Variants in CHMP4C observed in about 807,000 individuals in gnomAD.
CHMP4C encodes charged multivesicular body protein 4C.
CHMP4C carries 28 observed loss-of-function variants against 29.0 expected under a neutral mutation model. The observed-to-expected ratio is 0.97, with a 90% CI of 0.72 to 1.32. CHMP4C has a LOEUF of 1.32. CHMP4C is among the 40% of genes most tolerant of loss of function. The probability of loss-of-function intolerance (pLI) is 0.00; values close to 1 mark genes in which losing one functional copy is unlikely to be tolerated. For missense variants in CHMP4C, 291 were observed against 281.0 expected (o/e 1.04, Z -0.25); for synonymous variants, 106 against 102.4 (o/e 1.04, Z -0.21).
intron 1 of CHMP4C, among the ~76,000 whole-genome samples, chr8:81,743,568 G>C (rs1053572911): frequency 1.3e-5 from 2 of 152,120 alleles, no homozygotes; most frequent in African/African-American, 2.4e-5. Flanking sequence ...GGTCAAATAT[G>C]TTAATTTCTC....
At chr8:81,739,421 G>A (rs1047098599) in intron 1 of CHMP4C, among the ~76,000 whole-genome samples, 12 of 140,834 alleles carry the variant, frequency 8.5e-5, no homozygotes, top group Non-Finnish European at 1.2e-4. Context: ...GGGATTGTGG[G>A]GGGGGGTGGA....
intron 3 of CHMP4C, among the ~76,000 whole-genome samples, chr8:81,756,044 G>A (rs1356333518): frequency 6.6e-6 from 1 of 152,154 alleles, no homozygotes; most frequent in Non-Finnish European, 1.5e-5. Context: ...CACACAAGTA[G>A]GACTAGTACA....
At chr8:81,754,566 G>A (rs959595969) in intron 2 of CHMP4C, among the ~76,000 whole-genome samples, 1 of 152,092 alleles carries the variant, frequency 6.6e-6, no homozygotes, top group African/African-American at 2.4e-5. Context: ...ACTTAATAAT[G>A]AGGGACATTG....
At chr8:81,752,598 A>G (rs1174919738) in intron 1 of CHMP4C, among the ~76,000 whole-genome samples, 1 of 152,116 alleles carries the variant, frequency 6.6e-6, no homozygotes, top group Non-Finnish European at 1.5e-5. Context: ...TATTGCAGCT[A>G]CCACTAACTG....
intron 2 of CHMP4C, among the ~76,000 whole-genome samples, chr8:81,754,783 G>C (rs571634536): frequency 6.6e-6 from 1 of 152,156 alleles, no homozygotes; most frequent in African/African-American, 2.4e-5. Flanking sequence ...AGATTTATTT[G>C]CTGCAGTTGC....
intron 1 of CHMP4C, among the ~76,000 whole-genome samples, chr8:81,739,078 T>C (rs928638032): frequency 6.7e-6 from 1 of 149,814 alleles, no homozygotes. Flanking sequence ...TCCCTCTGCT[T>C]ACTCTTTTTT....
intron 1 of CHMP4C, among the ~76,000 whole-genome samples, chr8:81,751,582 T>C (rs1808904495): frequency 6.6e-6 from 1 of 152,044 alleles, no homozygotes; most frequent in Non-Finnish European, 1.5e-5. Flanking sequence ...TATATACAAT[T>C]GCCCAACAAT....
chr8:81,739,544 C>T (rs1443202414), intron 1 of CHMP4C, among the ~76,000 whole-genome samples: 1 of 152,076 alleles, frequency 6.6e-6, no homozygotes, highest in Non-Finnish European at 1.5e-5. Context: ...ACATGATCCT[C>T]CCCTCAACCT....
At chr8:81,737,300 C>T (rs1299124869) in intron 1 of CHMP4C, among the ~76,000 whole-genome samples, 1 of 151,944 alleles carries the variant, frequency 6.6e-6, no homozygotes, top group African/African-American at 2.4e-5. Flanking sequence ...TTTAAAGTGC[C>T]CCCACCTGAT....
rs1808995388 is a variant in CHMP4C, at chr8:81,758,203, A to G, written c.545A>G (p.Asn182Ser). 1 of 1,613,882 alleles carries G rather than the reference A, an allele frequency of 6.2e-7. No homozygotes were observed. Among genetic ancestry groups the G allele is most frequent in the South Asian group, 1.1e-5 (1 of 91,080 alleles). The part of the protein sequence containing the change: ...EQEELNKKMT[N>S]IRLPNVPSSS... ...GAGGAATTAAATAAGAAGATGACAA[A>G]TATCCGCCTTCCAAATGTGCCTTCC... The change falls in exon 4 of 5, where the codon AAT (asparagine) becomes AGT (serine). Residue 182 changes from asparagine (N) to serine (S), a missense_variant. Asn to Ser is a conservative substitution (Grantham distance 46). Transcript: ENST00000297265.
chr8:81,740,863 C>T (rs1808755111), intron 1 of CHMP4C, among the ~76,000 whole-genome samples: 1 of 152,152 alleles, frequency 6.6e-6, no homozygotes, highest in Non-Finnish European at 1.5e-5. Flanking sequence ...GATCTTGGTA[C>T]TCAAAGATGG....
chr8:81,736,005 G>T (rs545529191), intron 1 of CHMP4C, among the ~76,000 whole-genome samples: 1 of 151,890 alleles, frequency 6.6e-6, no homozygotes, highest in Admixed American at 6.6e-5. Context: ...ATAATTGCTT[G>T]AACCTGGGAG....
Position 81,753,214 on chromosome 8 carries a change from A to G in CHMP4C, c.341A>G (p.Lys114Arg). 4.4e-6 allele frequency: 7 copies of G among 1,605,546 alleles called. No homozygotes were observed. The highest frequency in any genetic ancestry group is 6.0e-6 in the Non-Finnish European group (7 of 1,176,376). The change falls in exon 2 of 5, where the codon AAA becomes AGA. Residue 114 changes from lysine to arginine, a missense_variant. Physicochemically the swap from Lys to Arg is conservative, Grantham distance 26. Coordinates refer to ENST00000297265, the MANE Select transcript of CHMP4C (RefSeq NM_152284.4). ...EVLRNMGFAA[K>R]AMKSVHENMD... ...TTGAGGAACATGGGCTTTGCAGCAAAAGCGATGAAATCTGTTCATGAAAAC... is the reference window on the plus strand; with the variant it reads ...TTGAGGAACATGGGCTTTGCAGCAAGAGCGATGAAATCTGTTCATGAAAAC...
intron 1 of CHMP4C, 137 bp downstream of exon 1, chr8:81,732,953 C>T: frequency 1.4e-6 from 1 of 738,796 alleles, no homozygotes; most frequent in Non-Finnish European, 2.2e-6. Flanking sequence ...GGTACTGACT[C>T]TTAGGGCACT....
chr8:81,742,739 A>G (rs914555699), intron 1 of CHMP4C, among the ~76,000 whole-genome samples: 3 of 152,112 alleles, frequency 2.0e-5, no homozygotes, highest in African/African-American at 4.8e-5. Context: ...ATAACCTTGG[A>G]GTTTGAACAA....
At position 81,732,602 on chromosome 8, in the gene CHMP4C, C is replaced by G; in HGVS notation, c.-25C>G. 1 of 1,514,016 alleles carries G rather than the reference C, an allele frequency of 6.6e-7. No individual in the cohort carries two copies. Among genetic ancestry groups the G allele is most frequent in the Non-Finnish European group, 8.9e-7 (1 of 1,127,826 alleles). 93.8% of individuals were successfully genotyped at this position (1,514,016 alleles called of 1,614,324 possible). On this transcript the variant is annotated 5_prime_UTR_variant, in exon 1 of 5. It adds an upstream start codon to the 5' untranslated region. Coordinates refer to ENST00000297265, the MANE Select transcript of CHMP4C (RefSeq NM_152284.4). ...GGAGCTCCCGAGAGGCCCCCGGGATCGCTGGCCCTCCGAACTCCACAGCAA... is the reference window on the plus strand; with the variant it reads ...GGAGCTCCCGAGAGGCCCCCGGGATGGCTGGCCCTCCGAACTCCACAGCAA...
chr8:81,752,483 A>T (rs1243709008), intron 1 of CHMP4C, among the ~76,000 whole-genome samples: 1 of 152,030 alleles, frequency 6.6e-6, no homozygotes, highest in Non-Finnish European at 1.5e-5. Flanking sequence ...CTTGAATACA[A>T]CTCTAGCAGT....
chr8:81,743,280 C>G (rs1808786072), intron 1 of CHMP4C, among the ~76,000 whole-genome samples: 1 of 150,738 alleles, frequency 6.6e-6, no homozygotes, highest in Non-Finnish European at 1.5e-5. Flanking sequence ...TAAATTACAT[C>G]TGTAGGTACA....
intron 1 of CHMP4C, among the ~76,000 whole-genome samples, chr8:81,746,480 G>A (rs1032343403): frequency 6.6e-6 from 1 of 152,180 alleles, no homozygotes; most frequent in African/African-American, 2.4e-5. Context: ...CTGTTGCTCT[G>A]TATTGCCACC....
Sources: gnomAD v4.1 joint callset for allele counts (sites outside exome capture counted in the v4.1 genomes callset) on GRCh38, gnomAD v4.1.1 for gene constraint, MANE v1.5 for transcripts, NCBI Gene and HGNC (gene_info 2026-07-23, HGNC 2026-07-21) for gene names.